Variants in APBA2 observed in about 807,000 individuals in gnomAD.
APBA2 encodes the protein amyloid beta precursor protein binding family A member 2.
A neutral mutation model predicts 75.0 loss-of-function variants in APBA2; 30 were observed. The observed-to-expected ratio is 0.40, with a 90% CI of 0.30 to 0.54. APBA2 has a LOEUF of 0.54. APBA2 is among the 20% of genes least tolerant of loss of function. The pLI, the probability that APBA2 is intolerant of heterozygous loss-of-function variation, is 0.49. For synonymous variants in APBA2, 444 were observed against 409.6 expected (o/e 1.08, Z -1.01); for missense variants, 801 against 1,016.1 (o/e 0.79, Z 2.88).
chr15:28,924,139 G>A (rs536568441), intron 2 of APBA2, among the ~76,000 whole-genome samples: 1 of 152,292 alleles, frequency 6.6e-6, no homozygotes, highest in African/African-American at 2.4e-5. Context: ...GCCTTCCCGA[G>A]TGCTGGCAGC....
intron 1 of APBA2, among the ~76,000 whole-genome samples, chr15:28,920,617 C>T (rs957232446): frequency 1.3e-5 from 2 of 152,178 alleles, no homozygotes; most frequent in African/African-American, 4.8e-5. Flanking sequence ...TAGGAGGCCT[C>T]CAGCTGGGTG....
chr15:28,956,016 G>A (rs28453340), intron 2 of APBA2, among the ~76,000 whole-genome samples: 2 of 152,202 alleles, frequency 1.3e-5, no homozygotes, highest in South Asian at 2.1e-4. Flanking sequence ...GCATGTTAAC[G>A]AGACTGGGGG....
intron 3 of APBA2, among the ~76,000 whole-genome samples, chr15:29,036,409 G>A (rs2040755499): frequency 6.6e-6 from 1 of 152,114 alleles, no homozygotes; most frequent in African/African-American, 2.4e-5. Flanking sequence ...ACTTCAAAGC[G>A]AGCCTCACTA....
At chr15:28,984,853 A>ATCTC (rs66710666) in intron 2 of APBA2, among the ~76,000 whole-genome samples, 23 of 74,108 alleles carry the variant, frequency 3.1e-4, no homozygotes, top group Middle Eastern at 8.5e-3. Flanking sequence ...GAGCTGCTCT[A>ATCTC]TCTCTCTCTC....
chr15:28,977,188 G>C (rs1186819883), intron 2 of APBA2: 1 of 152,084 alleles, frequency 6.6e-6, no homozygotes, highest in African/African-American at 2.4e-5. Flanking sequence ...AACGTCAAGG[G>C]GCTGGTGATT....
chr15:29,114,357 C>G (rs2044926332), intron 14 of APBA2, among the ~76,000 whole-genome samples: 1 of 152,234 alleles, frequency 6.6e-6, no homozygotes, highest in South Asian at 2.1e-4. Context: ...TGGCCATCCC[C>G]TCCCACAGCC....
chr15:28,946,539 A>G (rs936472085), intron 2 of APBA2, among the ~76,000 whole-genome samples: 4 of 152,166 alleles, frequency 2.6e-5, no homozygotes, highest in Non-Finnish European at 5.9e-5. Context: ...CCTTAGCCCA[A>G]GGAGACCTGC....
intron 2 of APBA2, among the ~76,000 whole-genome samples, chr15:28,954,574 T>G (rs1465900473): frequency 2.0e-5 from 3 of 152,182 alleles, no homozygotes; most frequent in African/African-American, 7.2e-5. Context: ...TGTAGCTTAT[T>G]TGTTTATTGT....
intron 3 of APBA2, among the ~76,000 whole-genome samples, chr15:29,008,150 G>A (rs965238570): frequency 1.3e-5 from 2 of 152,344 alleles, no homozygotes; most frequent in Non-Finnish European, 1.5e-5. Flanking sequence ...CACAGATCCT[G>A]TGTGGTTCCA....
chr15:29,068,358 G>A (rs535538204), intron 4 of APBA2, among the ~76,000 whole-genome samples: 1 of 152,362 alleles, frequency 6.6e-6, no homozygotes, highest in Admixed American at 6.5e-5. Flanking sequence ...GTATTAGAAA[G>A]GGTTGATGAA....
intron 10 of APBA2, among the ~76,000 whole-genome samples, chr15:29,103,801 C>T (rs2044255011): frequency 6.6e-6 from 1 of 152,210 alleles, no homozygotes; most frequent in South Asian, 2.1e-4. Context: ...GAGACAGAAG[C>T]AGAGGCCTGG....
intron 6 of APBA2, among the ~76,000 whole-genome samples, chr15:29,091,248 A>G (rs1280121378): frequency 2.0e-5 from 3 of 152,126 alleles, no homozygotes; most frequent in Non-Finnish European, 4.4e-5. Flanking sequence ...CCCCATTGAT[A>G]GGACTCAGTT....
At chr15:29,060,087 T>A (rs926462949) in intron 4 of APBA2, among the ~76,000 whole-genome samples, 1 of 152,154 alleles carries the variant, frequency 6.6e-6, no homozygotes, top group South Asian at 2.1e-4. Flanking sequence ...AGTTCCAAGA[T>A]GATTCAGCAA....
At chr15:28,890,378 C>T (rs561566910) in intron 1 of APBA2, among the ~76,000 whole-genome samples, 1 of 152,334 alleles carries the variant, frequency 6.6e-6, no homozygotes, top group African/African-American at 2.4e-5. Flanking sequence ...TGTCTCCCTG[C>T]AGTCACCTCG....
intron 1 of APBA2, among the ~76,000 whole-genome samples, chr15:28,899,938 G>A (rs529888811): frequency 6.6e-6 from 1 of 152,352 alleles, no homozygotes; most frequent in Admixed American, 6.5e-5. Context: ...TTGCGACACA[G>A]TGGTGTGAAG....
At chr15:28,984,566 G>C (rs2152772215) in intron 2 of APBA2, among the ~76,000 whole-genome samples, 1 of 152,130 alleles carries the variant, frequency 6.6e-6, no homozygotes, top group Non-Finnish European at 1.5e-5. Context: ...ACTCAGACCA[G>C]TGGAGGGGCG....
intron 3 of APBA2, among the ~76,000 whole-genome samples, chr15:29,051,859 C>T (rs1054681762): frequency 6.6e-6 from 1 of 152,144 alleles, no homozygotes; most frequent in Non-Finnish European, 1.5e-5. Context: ...ATCTTCACTT[C>T]CTGCTCCCAT....
intron 4 of APBA2, among the ~76,000 whole-genome samples, chr15:29,067,243 G>A (rs1449313956): frequency 6.6e-6 from 1 of 152,092 alleles, no homozygotes; most frequent in East Asian, 1.9e-4. Context: ...ATGAGATTTG[G>A]GCAGGGACAA....
chr15:29,040,981 A>G (rs1193013192), intron 3 of APBA2, among the ~76,000 whole-genome samples: 4 of 152,196 alleles, frequency 2.6e-5, no homozygotes, highest in Non-Finnish European at 5.9e-5. Flanking sequence ...TAAAAGATGG[A>G]CAGTTCTGAA....
Sources: allele counts gnomAD v4.1 joint callset (sites outside exome capture counted in the v4.1 genomes callset), GRCh38; gene constraint gnomAD v4.1.1; transcripts MANE v1.5; gene names NCBI Gene and HGNC (gene_info 2026-07-23, HGNC 2026-07-21).